EHMT1: variants seen among roughly 807,000 people sequenced by gnomAD.
The protein encoded by EHMT1 is histone-lysine N-methyltransferase EHMT1.
EHMT1 carries 15 observed loss-of-function variants against 147.2 expected under a neutral mutation model. The observed-to-expected ratio is 0.10, with a 90% CI of 0.07 to 0.16. The LOEUF (loss-of-function observed/expected upper bound fraction) is 0.16, where lower values mean the gene tolerates loss of function less well. Among genes scored for constraint, EHMT1 ranks in the 10% least tolerant of loss-of-function variants. The pLI, the probability that EHMT1 is intolerant of heterozygous loss-of-function variation, is 1.00. For synonymous variants in EHMT1, 795 were observed against 709.6 expected, an observed-to-expected ratio of 1.12 and a Z score of -1.91; for missense variants, 1,587 against 1,772.4, an observed-to-expected ratio of 0.90 and a Z score of 1.88.
chr9:137,644,758 A>G (rs1391655851), intron 1 of EHMT1, among the ~76,000 whole-genome samples: 1 of 152,230 alleles, frequency 6.6e-6, no homozygotes, highest in Non-Finnish European at 1.5e-5. Flanking sequence ...CATTGTTTCC[A>G]AAGCACCTTG....
chr9:137,750,651 A>G (rs1948891753), intron 6 of EHMT1, among the ~76,000 whole-genome samples: 1 of 152,166 alleles, frequency 6.6e-6, no homozygotes, highest in Admixed American at 6.5e-5. Flanking sequence ...TCCTAGCAGG[A>G]CTTTTGTGTA....
intron 18 of EHMT1, chr9:137,802,898 G>A (rs1480621270): frequency 2.4e-6 from 3 of 1,232,348 alleles, no homozygotes; most frequent in Middle Eastern, 3.1e-4. Context: ...GCCGGCAGAA[G>A]GAAGAGAAGA....
At chr9:137,795,581 C>T (rs1399792179) in intron 16 of EHMT1, among the ~76,000 whole-genome samples, 4 of 152,102 alleles carry the variant, frequency 2.6e-5, no homozygotes, top group Admixed American at 6.5e-5. Context: ...CACGGGAGGA[C>T]GTGCAGACTC....
intron 3 of EHMT1, among the ~76,000 whole-genome samples, chr9:137,722,560 C>A (rs1946165484): frequency 6.6e-6 from 1 of 152,194 alleles, no homozygotes; most frequent in Admixed American, 6.5e-5. Context: ...TGTGTGGGCC[C>A]CACGGAGGTG....
intron 1 of EHMT1, among the ~76,000 whole-genome samples, chr9:137,639,791 A>G (rs977757515): frequency 2.0e-5 from 3 of 152,020 alleles, no homozygotes; most frequent in Admixed American, 6.6e-5. Context: ...TACCTGATAG[A>G]AGAGATTTTA....
Position 137,625,062 on chromosome 9 carries a change from G to A in EHMT1, c.21+6013G>A, listed in dbSNP as rs1843168776. Among the ~76,000 whole-genome samples the A allele has an allele frequency of 3.3e-5, 5 of 151,232 alleles. No individual in the cohort carries two copies. The South Asian group carries it at 8.4e-4, about 25-fold the overall frequency. ...CCGCCCCGCTAATTTTTGTATTTTC[G>A]GTAGAGATGGGGTTTCGCCATATTG... On this transcript the variant is annotated intron_variant, in intron 1 of 26. Coordinates refer to ENST00000460843, the MANE Select transcript of EHMT1 (RefSeq NM_024757.5).
intron 25 of EHMT1, among the ~76,000 whole-genome samples, chr9:137,827,833 G>A (rs1222989421): frequency 6.6e-6 from 1 of 151,746 alleles, no homozygotes; most frequent in Non-Finnish European, 1.5e-5. Flanking sequence ...CCTCTCCATG[G>A]TGTGCTTGCC....
intron 1 of EHMT1, among the ~76,000 whole-genome samples, chr9:137,708,080 A>G (rs1944409403): frequency 6.6e-6 from 1 of 152,226 alleles, no homozygotes; most frequent in Non-Finnish European, 1.5e-5. Flanking sequence ...ATAAAAGTAA[A>G]CATGTAACAT....
chr9:137,631,352 A>G (rs1264826973), intron 1 of EHMT1, among the ~76,000 whole-genome samples: 2 of 151,996 alleles, frequency 1.3e-5, no homozygotes, highest in Admixed American at 1.3e-4. Flanking sequence ...AGATCGTGCC[A>G]TTGGACTCCA....
chr9:137,836,074 C>G lies in EHMT1; in HGVS notation c.*1121C>G, dbSNP rs1364053665. ...TTTAAGAGCAGTCTTTTGGCTCTGA[C>G]CATTTCTTGTTCTGTTTCCAATGAA... On this transcript the variant is annotated 3_prime_UTR_variant, in exon 27 of 27. Coordinates refer to ENST00000460843, the MANE Select transcript of EHMT1 (RefSeq NM_024757.5). 1 of 152,452 alleles carries G rather than the reference C, an allele frequency of 6.6e-6. No individual in the cohort carries two copies. Among genetic ancestry groups the G allele is most frequent in the Non-Finnish European group, 1.5e-5 (1 of 68,034 alleles). The allele number at this position is 152,452 out of a possible 1,614,324, so 9.4% of individuals were successfully genotyped here.
chr9:137,744,126 A>G, intron 6 of EHMT1, 36 bp downstream of exon 6: 1 of 1,612,326 alleles, frequency 6.2e-7, no homozygotes, highest in Non-Finnish European at 8.5e-7. Flanking sequence ...GCACAAGGAA[A>G]GAGCATCACA....
intron 25 of EHMT1, among the ~76,000 whole-genome samples, chr9:137,830,726 A>G (rs1454711011): frequency 6.6e-6 from 1 of 152,208 alleles, no homozygotes; most frequent in Non-Finnish European, 1.5e-5. Context: ...TGATTGTGTC[A>G]CTGGCTTGAT....
chr9:137,743,929 C>T lies in EHMT1; in HGVS notation c.1009C>T (p.Leu337=). The T allele has an allele frequency of 1.9e-6, 3 of 1,613,462 alleles. No individual in the cohort carries two copies. Among genetic ancestry groups the T allele is most frequent in the South Asian group, 2.2e-5 (2 of 91,062 alleles). Residue 337 remains leucine, a synonymous_variant, in exon 6 of 27, where the codon CTG becomes TTG. Transcript: ENST00000460843. ...KGEKDLGASS[L]HVNGESLEMD... Reference sequence around the variant, plus strand: ...GGAGAAGGACCTGGGCGCCAGCAGCCTGCACGTGAATGGGGAGAGCCTGGA... The same window carrying T: ...GGAGAAGGACCTGGGCGCCAGCAGCTTGCACGTGAATGGGGAGAGCCTGGA...
chr9:137,626,213 T>G (rs557781374), intron 1 of EHMT1, among the ~76,000 whole-genome samples: 1 of 152,104 alleles, frequency 6.6e-6, no homozygotes, highest in South Asian at 2.1e-4. Flanking sequence ...TTCTTTTTAG[T>G]ATCTCCTGTT....
intron 18 of EHMT1, among the ~76,000 whole-genome samples, chr9:137,805,530 T>G (rs1953874559): frequency 6.6e-6 from 1 of 152,270 alleles, no homozygotes. Context: ...TTGACTGATG[T>G]AGCTTTACAG....
intron 1 of EHMT1, 47 bp from the exon 2 acceptor site, chr9:137,710,920 C>CG: frequency 6.4e-7 from 1 of 1,556,194 alleles, no homozygotes; most frequent in Non-Finnish European, 8.7e-7. Flanking sequence ...TTTGGAAAAG[C>CG]GGCCTCCCAC....
intron 25 of EHMT1, chr9:137,832,700 CTT>C (rs935926983): frequency 6.6e-6 from 1 of 152,664 alleles, no homozygotes; most frequent in African/African-American, 2.4e-5. Flanking sequence ...GTGTCACAGA[CTT>C]TGACACCCCA....
At chr9:137,709,993 C>T (rs1036959537) in intron 1 of EHMT1, among the ~76,000 whole-genome samples, 16 of 152,114 alleles carry the variant, frequency 1.1e-4, no homozygotes, top group African/African-American at 1.4e-4. Flanking sequence ...CCCTCTTCCC[C>T]GGCCCCCAGC....
intron 1 of EHMT1, among the ~76,000 whole-genome samples, chr9:137,687,328 A>T (rs1942544428): frequency 6.6e-6 from 1 of 152,116 alleles, no homozygotes; most frequent in Non-Finnish European, 1.5e-5. Flanking sequence ...GAATTTTAGG[A>T]TCAGCTTATC....
Sources: allele counts gnomAD v4.1 joint callset (sites outside exome capture counted in the v4.1 genomes callset), GRCh38; gene constraint gnomAD v4.1.1; transcripts MANE v1.5; gene names NCBI Gene and HGNC (gene_info 2026-07-23, HGNC 2026-07-21).